Variants in MTPAP observed in about 807,000 individuals in gnomAD.
MTPAP encodes the protein poly(A) RNA polymerase, mitochondrial.
Under a neutral mutation model 48.7 loss-of-function variants are expected in MTPAP, and 23 were observed. The ratio of observed to expected loss-of-function variants is 0.47; its 90% CI spans 0.34 to 0.67. MTPAP has a LOEUF of 0.67. Ranked by LOEUF, MTPAP falls within the 30% of genes least tolerant of loss-of-function variation. The pLI, the probability that MTPAP is intolerant of heterozygous loss-of-function variation, is 0.01. For missense variants in MTPAP, 614 were observed against 694.3 expected (o/e 0.88, Z 1.30); for synonymous variants, 257 against 254.1 (o/e 1.01, Z -0.11).
rs1347890109 is a variant in MTPAP, at chr10:30,326,484, G to A, written c.932C>T (p.Pro311Leu). Residue 311 changes from proline to leucine, a missense_variant, in exon 5 of 9, where the codon CCG (proline) becomes CTG (leucine). Pro to Leu is a moderately conservative substitution (Grantham distance 98). Around this residue, in one of 5 missense-constraint regions of MTPAP, gnomAD observed 261 missense variants for 355.4 expected, o/e 0.73. Coordinates refer to ENST00000263063, the MANE Select transcript of MTPAP (RefSeq NM_018109.4). ...GVQKILNARC[P>L]LVRFSHQASG... ...GGCCTGGTGTGAGAACCTCACGAGCGGACACCGGGCATTTAATATTTTTTG... is the reference window on the plus strand; with the variant it reads ...GGCCTGGTGTGAGAACCTCACGAGCAGACACCGGGCATTTAATATTTTTTG... The A allele has an allele frequency of 9.3e-6, 15 of 1,613,918 alleles. No individual in the cohort carries two copies. The highest frequency in any genetic ancestry group is 1.1e-5 in the Non-Finnish European group (13 of 1,180,016).
In MTPAP at chr10:30,340,449, C is replaced by T. The variant is rs1050235682; in HGVS notation, c.332G>A (p.Gly111Asp). 4 of 1,609,816 alleles carry T rather than the reference C, an allele frequency of 2.5e-6. No homozygotes were observed. Among genetic ancestry groups the T allele is most frequent in the Non-Finnish European group, 2.6e-6 (3 of 1,176,122 alleles). The part of the protein sequence containing the change: ...INNHFFYESF[G>D]LYAVVEFCQK... ...GCAAAATTCTACGACAGCATAGAGA[C>T]CCTATACCAAAAACATAAGAAAAAA... is the stretch of plus-strand genomic sequence containing the variant. The change falls in exon 3 of 9, where the codon GGT becomes GAT. Residue 111 changes from glycine to aspartate, a missense_variant and splice_region_variant. Around this residue, in one of 5 missense-constraint regions of MTPAP, gnomAD observed 114 missense variants for 107.9 expected, o/e 1.06. Coordinates refer to ENST00000263063, the MANE Select transcript of MTPAP (RefSeq NM_018109.4).
intron 1 of MTPAP, chr10:30,348,864 TC>T (rs1240013063): frequency 1.8e-6 from 1 of 540,788 alleles, no homozygotes; most frequent in Non-Finnish European, 3.3e-6. Flanking sequence ...GACCTGAATT[TC>T]ATGGAAGTCT....
intron 5 of MTPAP, among the ~76,000 whole-genome samples, chr10:30,322,853 T>A (rs1251894663): frequency 6.6e-6 from 1 of 152,096 alleles, no homozygotes; most frequent in African/African-American, 2.4e-5. Flanking sequence ...AATTAAAATG[T>A]AAGCCGGGCT....
intron 6 of MTPAP, among the ~76,000 whole-genome samples, chr10:30,318,701 G>A (rs549123591): frequency 6.6e-6 from 1 of 152,254 alleles, no homozygotes; most frequent in South Asian, 2.1e-4. Context: ...TTAATATCAT[G>A]GTCCATCTTG....
chr10:30,337,002 A>G lies in MTPAP; in HGVS notation c.581T>C (p.Leu194Ser). 1 of 1,613,376 alleles carries G rather than the reference A, an allele frequency of 6.2e-7. No homozygotes were observed. The highest frequency in any genetic ancestry group is 1.1e-5 in the South Asian group (1 of 91,042). ...CTCCTCTGTTAGCTGGAACTCCTTC[A>G]AGAGAGTGTTCAGCTGATCGTCTAT... Reference protein sequence around the residue: ...ESIDDQLNTLLKEFQLTEENT... With the variant: ...ESIDDQLNTLSKEFQLTEENT... Residue 194 changes from leucine (L) to serine (S), a missense_variant, in exon 4 of 9, where the codon TTG (leucine) becomes TCG (serine). By Grantham distance (145) the Leu-to-Ser change is moderately radical (BLOSUM62 -2). This residue lies in a region of MTPAP where 114 missense variants were observed against 107.9 expected (regional missense o/e 1.06). Transcript: ENST00000263063.
intron 8 of MTPAP, among the ~76,000 whole-genome samples, chr10:30,315,643 T>C (rs1840653091): frequency 6.6e-6 from 1 of 152,168 alleles, no homozygotes; most frequent in Non-Finnish European, 1.5e-5. Flanking sequence ...AACAGCTGTA[T>C]GTAAATAATA....
intron 3 of MTPAP, among the ~76,000 whole-genome samples, chr10:30,338,894 C>T (rs189751880): frequency 1.2e-3 from 187 of 151,866 alleles, no homozygotes; most frequent in East Asian, 7.8e-3. Flanking sequence ...GAGGCCAAGG[C>T]GGGCGGATCA....
chr10:30,345,729 G>T (rs909497282), intron 1 of MTPAP, among the ~76,000 whole-genome samples: 1 of 152,054 alleles, frequency 6.6e-6, no homozygotes, highest in Admixed American at 6.6e-5. Flanking sequence ...AATACAATAT[G>T]GTAAGCACAA....
chr10:30,348,906 C>T (rs1190125549), intron 1 of MTPAP: 3 of 646,964 alleles, frequency 4.6e-6, no homozygotes, highest in Non-Finnish European at 7.9e-6. Flanking sequence ...ACAGGAGTCG[C>T]CCCAAACAAA....
intron 4 of MTPAP, among the ~76,000 whole-genome samples, chr10:30,327,242 C>G (rs1447074809): frequency 3.3e-5 from 5 of 151,460 alleles, no homozygotes; most frequent in Non-Finnish European, 7.4e-5. Context: ...AATCCTAGCA[C>G]TTTGGGAGGC....
rs773309534 is a variant in MTPAP at position 30,347,833 on chromosome 10, G to A, written c.157+1286C>T. ...TTAAACCCGGGAGGCCAAGGTTGCC[G>A]TGAGCCAAGATCGTGCCATTGCACT... On this transcript the variant is annotated intron_variant, in intron 1 of 8. Transcript: ENST00000263063. Among the ~76,000 whole-genome samples the A allele has an allele frequency of 2.6e-5, 4 of 152,224 alleles. No homozygotes were observed. In the East Asian group the frequency reaches 7.7e-4, roughly 29 times the overall value.
intron 1 of MTPAP, among the ~76,000 whole-genome samples, chr10:30,342,857 A>G (rs1373840072): frequency 6.6e-6 from 1 of 152,224 alleles, no homozygotes; most frequent in Non-Finnish European, 1.5e-5. Flanking sequence ...TAATTTTACT[A>G]AGGAAAGAAA....
chr10:30,316,643 A>G (rs1477940456), intron 6 of MTPAP, among the ~76,000 whole-genome samples: 2 of 150,352 alleles, frequency 1.3e-5, no homozygotes, highest in Non-Finnish European at 3.0e-5. Context: ...TAATCCCAGA[A>G]CTTTGGAAGG....
intron 1 of MTPAP, among the ~76,000 whole-genome samples, chr10:30,341,914 G>T (rs1042461868): frequency 2.6e-4 from 40 of 152,150 alleles, no homozygotes; most frequent in African/African-American, 9.4e-4. Context: ...CTATGATAAG[G>T]CTTAATTTAT....
rs181336227 is a variant in MTPAP, at chr10:30,341,423, T to C, written c.330+45A>G. The C allele has an allele frequency of 4.7e-5, 74 of 1,585,594 alleles. No individual in the cohort carries two copies. The African/African-American group carries it at 8.8e-4, about 19-fold the overall frequency. On this transcript the variant is annotated intron_variant, in intron 2 of 8. Transcript: ENST00000263063. Reference sequence around the variant, plus strand: ...AAACAACTAATGGAGACCTCCACCCTTGAAAAGCATAAACGTTAAGTTAGA... The same window carrying C: ...AAACAACTAATGGAGACCTCCACCCCTGAAAAGCATAAACGTTAAGTTAGA...
intron 1 of MTPAP, among the ~76,000 whole-genome samples, chr10:30,344,444 G>A (rs1834847094): frequency 6.6e-6 from 1 of 152,126 alleles, no homozygotes; most frequent in Non-Finnish European, 1.5e-5. Flanking sequence ...GTAATTCATA[G>A]TGTTATATTT....
chr10:30,323,037 G>A (rs1157955969), intron 5 of MTPAP, among the ~76,000 whole-genome samples: 1 of 144,108 alleles, frequency 6.9e-6, no homozygotes, highest in Admixed American at 7.5e-5. Context: ...GCTGAGGCAT[G>A]AGAATTGCTT....
intron 8 of MTPAP, among the ~76,000 whole-genome samples, chr10:30,314,820 C>G (rs1324719755): frequency 7.1e-6 from 1 of 140,846 alleles, no homozygotes; most frequent in Non-Finnish European, 1.5e-5. Flanking sequence ...TGCAGTGAGC[C>G]AAGATCATGC....
Position 30,313,987 on chromosome 10 carries a change from C to A in MTPAP, c.1387-16G>T, listed in dbSNP as rs546883609. The A allele has an allele frequency of 5.6e-6, 9 of 1,610,740 alleles. 1 individual carries two copies. In the African/African-American group the frequency reaches 1.1e-4, roughly 19 times the overall value. On this transcript the variant is annotated splice_polypyrimidine_tract_variant and intron_variant, in intron 8 of 8. Transcript: ENST00000263063. Reference sequence around the variant, plus strand: ...GCTCCCTTCCCTATAGATTATTACACAGAAGAAAAAATGAGTAAGTACATG... The same window carrying A: ...GCTCCCTTCCCTATAGATTATTACAAAGAAGAAAAAATGAGTAAGTACATG...
Sources: gnomAD v4.1 joint callset for allele counts (sites outside exome capture counted in the v4.1 genomes callset) on GRCh38, gnomAD v4.1.1 for gene constraint, gnomAD v4.1.1 regional missense constraint, MANE v1.5 for transcripts, NCBI Gene and HGNC (gene_info 2026-07-23, HGNC 2026-07-21) for gene names.